Variants in OTUD7B observed in about 807,000 individuals in gnomAD.
OTUD7B encodes OTU deubiquitinase 7B.
A neutral mutation model predicts 82.2 loss-of-function variants in OTUD7B; 34 were observed. The observed-to-expected ratio is 0.41, with a 90% CI of 0.31 to 0.55. The LOEUF is 0.55. OTUD7B is among the 20% of genes least tolerant of loss of function. The pLI, the probability that OTUD7B is intolerant of heterozygous loss-of-function variation, is 0.20. For synonymous variants in OTUD7B, 398 were observed against 402.7 expected, an observed-to-expected ratio of 0.99 and a Z score of 0.14; for missense variants, 944 against 1,062.1, an observed-to-expected ratio of 0.89 and a Z score of 1.55.
the OTUD7B span, among the ~76,000 whole-genome samples, chr1:150,024,786 G>T: frequency 6.6e-6 from 1 of 152,156 alleles, no homozygotes; most frequent in African/African-American, 2.4e-5. Flanking sequence ...GGTGGCTCAC[G>T]CCTGTAATCC....
At chr1:150,058,812 G>C in the OTUD7B span, among the ~76,000 whole-genome samples, 1 of 152,060 alleles carries the variant, frequency 6.6e-6, no homozygotes, top group Non-Finnish European at 1.5e-5. Flanking sequence ...TCTCACTTTA[G>C]AAGAGAAAAG....
At chr1:150,046,942 G>A in the OTUD7B span, among the ~76,000 whole-genome samples, 3 of 151,982 alleles carry the variant, frequency 2.0e-5, no homozygotes, top group East Asian at 3.9e-4. Flanking sequence ...ATGGTGGCAG[G>A]TGCCTGTAAT....
chr1:150,032,194 C>T, the OTUD7B span, among the ~76,000 whole-genome samples: 1 of 151,916 alleles, frequency 6.6e-6, no homozygotes, highest in African/African-American at 2.4e-5. Flanking sequence ...CACCTGTAAT[C>T]CCAGCTACTC....
chr1:150,035,377 G>A, the OTUD7B span, among the ~76,000 whole-genome samples: 74 of 152,274 alleles, frequency 4.9e-4, no homozygotes, highest in South Asian at 6.8e-3. Flanking sequence ...CCTGAGTCCG[G>A]GAGGCCTAAG....
At chr1:150,027,256 A>G in the OTUD7B span, among the ~76,000 whole-genome samples, 12 of 152,194 alleles carry the variant, frequency 7.9e-5, no homozygotes, top group African/African-American at 2.9e-4. Context: ...TAGGGAATAC[A>G]GAGAGGTAAT....
rs1571668266 is a variant in OTUD7B at position 149,975,473 on chromosome 1, T to A, written c.85+1953A>T. Reference sequence around the variant, plus strand: ...ATAATAAAACTTTATTGTATGGTGGTTGTGAGAATAAAATAACATATCTCA... The same window carrying A: ...ATAATAAAACTTTATTGTATGGTGGATGTGAGAATAAAATAACATATCTCA... On this transcript the variant is annotated intron_variant, in intron 2 of 11. Coordinates refer to ENST00000581312, the MANE Select transcript of OTUD7B (RefSeq NM_020205.4). Among the ~76,000 whole-genome samples, 3 of 152,328 alleles carry A rather than the reference T, an allele frequency of 2.0e-5. No homozygotes were observed. The East Asian group carries it at 5.8e-4, about 29-fold the overall frequency.
intron 2 of OTUD7B, among the ~76,000 whole-genome samples, chr1:149,972,595 A>G (rs1553777842): frequency 6.6e-6 from 1 of 152,172 alleles, no homozygotes; most frequent in African/African-American, 2.4e-5. Flanking sequence ...AGTTTATAAT[A>G]TACTTTATAA....
In OTUD7B at chr1:149,944,350, G is replaced by A. The variant is rs782712770; in HGVS notation, c.2039C>T (p.Pro680Leu). The change falls in exon 12 of 12, where the codon CCA becomes CTA. Residue 680 changes from proline (P) to leucine (L), a missense_variant. Physicochemically the swap from Pro to Leu is moderately conservative, Grantham distance 98. This residue lies in a region of OTUD7B where 412 missense variants were observed against 418.7 expected (regional missense o/e 0.98). Transcript: ENST00000581312. ...DAREEQPTGP[P>L]AESRAMAFST... ...AAATGCCATTGCCCTGGACTCTGCT[G>A]GGGGACCGGTCGGCTGCTCTTCCCT... 1.2e-6 allele frequency: 2 copies of A among 1,613,378 alleles called. No homozygotes were observed. Among genetic ancestry groups the A allele is most frequent in the South Asian group, 2.2e-5 (2 of 91,004 alleles).
In OTUD7B at chr1:149,944,068, G is replaced by C. The variant is rs868990517; in HGVS notation, c.2321C>G (p.Ser774Cys). 6.2e-7 allele frequency: 1 copy of C among 1,614,152 alleles called. No individual in the cohort carries two copies. Among genetic ancestry groups the C allele is most frequent in the Middle Eastern group, 1.6e-4 (1 of 6,062 alleles). ...LLPPPYRVAD[S>C]YSNGYREPPE... ...GGGCTCTCTGTAGCCATTGCTATAG[G>C]AATCAGCCACTCGGTAGGGGGGTGG... Residue 774 changes from serine (S) to cysteine (C), a missense_variant, in exon 12 of 12, where the codon TCC (serine) becomes TGC (cysteine). Transcript: ENST00000581312.
upstream of OTUD7B, among the ~76,000 whole-genome samples, chr1:150,015,290 C>CTTTTTTTTTTTTTTTTTTTTTTTTTTTT (rs60374988): frequency 3.1e-5 from 4 of 128,974 alleles, no homozygotes; most frequent in Non-Finnish European, 4.6e-5. Flanking sequence ...TTTTCTTTCT[C>CTTTTTTTTTTTTTTTTTTTTTTTTTTTT]TTTTTTTTTT....
chr1:149,953,922 C>T lies in OTUD7B; in HGVS notation c.846-3701G>A, dbSNP rs1648464187. ...TTGTATCCTGAGACTGCTGAAGTTG[C>T]TTATCAGCTTAAGGAGATTTTGGGC... On this transcript the variant is annotated intron_variant, in intron 7 of 11. Coordinates refer to ENST00000581312, the MANE Select transcript of OTUD7B (RefSeq NM_020205.4). 2.6e-5 allele frequency among the ~76,000 whole-genome samples: 4 copies of T among 152,178 alleles called. No homozygotes were observed. In the South Asian group the frequency reaches 8.3e-4, roughly 32 times the overall value.
chr1:149,967,630 T>C (rs1389219379), intron 3 of OTUD7B, 109 bp from the exon 4 acceptor site: 1 of 723,302 alleles, frequency 1.4e-6, no homozygotes, highest in Non-Finnish European at 2.1e-6. Context: ...AGAGAAAAAC[T>C]AAGTCTAACT....
chr1:149,953,447 G>A (rs1553773948), intron 7 of OTUD7B, among the ~76,000 whole-genome samples: 1 of 152,160 alleles, frequency 6.6e-6, no homozygotes, highest in Non-Finnish European at 1.5e-5. Flanking sequence ...TTTGGTTACT[G>A]CAGCCTTGTA....
the OTUD7B span, among the ~76,000 whole-genome samples, chr1:150,064,617 A>C: frequency 0.027 from 4,122 of 152,152 alleles, 167 homozygotes; most frequent in African/African-American, 0.093. Context: ...AATCCTCCTG[A>C]CTTAGCCTCC....
intron 5 of OTUD7B, among the ~76,000 whole-genome samples, chr1:149,964,795 T>C (rs1571638399): frequency 6.6e-6 from 1 of 152,068 alleles, no homozygotes; most frequent in Non-Finnish European, 1.5e-5. Flanking sequence ...GGTTTCACGA[T>C]GTTGGCCAGG....
At chr1:149,989,536 G>A (rs1553781540) in intron 1 of OTUD7B, among the ~76,000 whole-genome samples, 1 of 145,604 alleles carries the variant, frequency 6.9e-6, no homozygotes, top group Non-Finnish European at 1.5e-5. Context: ...CACACCTGTA[G>A]TCCCAGTGAG....
At chr1:150,042,397 T>G in the OTUD7B span, among the ~76,000 whole-genome samples, 1 of 151,840 alleles carries the variant, frequency 6.6e-6, no homozygotes, top group Non-Finnish European at 1.5e-5. Context: ...GGTCTCGAGC[T>G]CCTGACCTCA....
At chr1:149,956,521 C>T (rs1553774593) in intron 7 of OTUD7B, among the ~76,000 whole-genome samples, 1 of 152,126 alleles carries the variant, frequency 6.6e-6, no homozygotes, top group Non-Finnish European at 1.5e-5. Context: ...TTCAGAGTTG[C>T]TCTTCTCAAG....
At chr1:149,958,549 G>A (rs587593748) in intron 7 of OTUD7B, among the ~76,000 whole-genome samples, 5 of 151,806 alleles carry the variant, frequency 3.3e-5, no homozygotes, top group East Asian at 3.9e-4. Context: ...GGCTGGTCTC[G>A]AATTCCCGCC....
Sources: gnomAD v4.1 joint callset for allele counts (sites outside exome capture counted in the v4.1 genomes callset) on GRCh38, gnomAD v4.1.1 for gene constraint, gnomAD v4.1.1 regional missense constraint, MANE v1.5 for transcripts, NCBI Gene and HGNC (gene_info 2026-07-23, HGNC 2026-07-21) for gene names.